Variants in PRDM1 observed in about 807,000 individuals in gnomAD.
The protein encoded by PRDM1 is PR domain zinc finger protein 1.
Under a neutral mutation model 62.8 loss-of-function variants are expected in PRDM1, and 13 were observed. The observed-to-expected ratio is 0.21, with a 90% CI of 0.13 to 0.33. The LOEUF (loss-of-function observed/expected upper bound fraction) is 0.33. Among genes scored for constraint, PRDM1 ranks in the 10% least tolerant of loss-of-function variants. The pLI, the probability that PRDM1 is intolerant of heterozygous loss-of-function variation, is 1.00. For missense variants in PRDM1, 895 were observed against 1,058.8 expected (o/e 0.85, Z 2.15); for synonymous variants, 396 against 417.6 (o/e 0.95, Z 0.63).
intron 1 of PRDM1, among the ~76,000 whole-genome samples, chr6:106,017,000 A>G (rs1772630805): frequency 6.6e-6 from 1 of 152,230 alleles, no homozygotes; most frequent in African/African-American, 2.4e-5. Flanking sequence ...GGAGATTTGC[A>G]ATAATTTGAA....
intron 1 of PRDM1, 29 bp downstream of exon 1, chr6:106,086,624 T>A (rs1773815052): frequency 1.3e-6 from 2 of 1,521,298 alleles, no homozygotes; most frequent in Non-Finnish European, 8.9e-7. Context: ...TTTTTTTTAA[T>A]TCTGAAATTG....
intron 1 of PRDM1, among the ~76,000 whole-genome samples, chr6:106,041,633 A>T (rs765919804): frequency 6.6e-6 from 1 of 152,120 alleles, no homozygotes; most frequent in Non-Finnish European, 1.5e-5. Context: ...GGTGGTGGTT[A>T]TATGAATCTA....
At chr6:106,012,640 A>T (rs1396960168) in intron 1 of PRDM1, among the ~76,000 whole-genome samples, 1 of 151,442 alleles carries the variant, frequency 6.6e-6, no homozygotes, top group Non-Finnish European at 1.5e-5. Flanking sequence ...CCCCCTACAC[A>T]CTCAGCCCAC....
upstream of PRDM1, among the ~76,000 whole-genome samples, chr6:106,085,205 T>TG (rs1582457344): frequency 2.0e-5 from 3 of 152,216 alleles, no homozygotes; most frequent in East Asian, 5.8e-4. Context: ...GGTGTGTGTG[T>TG]GGGTGGATGT....
At chr6:106,063,860 T>C (rs560324651) in intron 1 of PRDM1, among the ~76,000 whole-genome samples, 3 of 152,346 alleles carry the variant, frequency 2.0e-5, no homozygotes, top group African/African-American at 7.2e-5. Flanking sequence ...GTGTGGCTTG[T>C]AGGGATTTAG....
At chr6:106,046,401 G>A (rs371409544), upstream of PRDM1, 1 of 152,286 alleles carries the variant, frequency 6.6e-6, no homozygotes, top group African/African-American at 2.4e-5. Flanking sequence ...CTAGTTTCCT[G>A]TGTCTCTAGT....
At chr6:106,067,178 A>G (rs1773446401) in intron 1 of PRDM1, among the ~76,000 whole-genome samples, 1 of 152,182 alleles carries the variant, frequency 6.6e-6, no homozygotes, top group Non-Finnish European at 1.5e-5. Context: ...CATAAATAAG[A>G]CATTTAACCG....
At chr6:106,039,590 T>C (rs2114574216) in intron 1 of PRDM1, among the ~76,000 whole-genome samples, 1 of 152,320 alleles carries the variant, frequency 6.6e-6, no homozygotes, top group East Asian at 1.9e-4. Flanking sequence ...ACAGCTATTT[T>C]TTTATTGTTT....
chr6:106,086,297 C>T, upstream of PRDM1: 1 of 429,272 alleles, frequency 2.3e-6, no homozygotes, highest in Non-Finnish European at 4.1e-6. Flanking sequence ...AGCCGAGTGG[C>T]TAAGGAAATC....
At chr6:106,030,182 T>C (rs1358677454) in intron 1 of PRDM1, among the ~76,000 whole-genome samples, 1 of 152,184 alleles carries the variant, frequency 6.6e-6, no homozygotes, top group Non-Finnish European at 1.5e-5. Context: ...GTTTTGTTTG[T>C]TTTTGAGACA....
intron 1 of PRDM1, among the ~76,000 whole-genome samples, chr6:106,037,348 T>C (rs968131084): frequency 6.6e-6 from 1 of 152,238 alleles, no homozygotes; most frequent in African/African-American, 2.4e-5. Context: ...GAATTCATTA[T>C]ACTTGAAGTT....
Position 106,105,571 on chromosome 6 carries a change from C to T in PRDM1, c.1411C>T (p.Pro471Ser), listed in dbSNP as rs1370128184. Residue 471 changes from proline (P) to serine (S), a missense_variant, in exon 5 of 7, where the codon CCC becomes TCC. Physicochemically the swap from Pro to Ser is moderately conservative, Grantham distance 74. This residue lies in a region of PRDM1 where 444 missense variants were observed against 422.7 expected (regional missense o/e 1.05). Coordinates refer to ENST00000369096, the MANE Select transcript of PRDM1 (RefSeq NM_001198.4). ...LNPTSLPSSLPSDGARRLLQP... is the reference protein window; with the variant it reads ...LNPTSLPSSLSSDGARRLLQP... ...CCCCACTTCTCTCCCGAGCTCGCTG[C>T]CCTCAGATGGAGCCCGGAGGTTGCT... is the stretch of plus-strand genomic sequence containing the variant. 6.2e-7 allele frequency: 1 copy of T among 1,612,860 alleles called. No individual in the cohort carries two copies. Among genetic ancestry groups the T allele is most frequent in the Non-Finnish European group, 8.5e-7 (1 of 1,179,128 alleles).
chr6:106,069,067 G>C (rs1773474639), intron 1 of PRDM1, among the ~76,000 whole-genome samples: 1 of 152,166 alleles, frequency 6.6e-6, no homozygotes, highest in Admixed American at 6.5e-5. Flanking sequence ...ACTACCACTA[G>C]CCATTGCCTT....
At position 106,109,314 on chromosome 6, in the gene PRDM1, T is replaced by G; in HGVS notation, c.*1828T>G. 1 of 232,780 alleles carries G rather than the reference T, an allele frequency of 4.3e-6. No individual in the cohort carries two copies. The highest frequency in any genetic ancestry group is 8.5e-6 in the Non-Finnish European group (1 of 117,600). The allele number at this position is 232,780 out of a possible 1,614,324, so 14.4% of individuals were successfully genotyped here. ...CAGCTCTATTTTTTTTTTGCCACTT[T>G]ATGATTATGTGGTCACACCCAAGTC... On this transcript the variant is annotated 3_prime_UTR_variant, in exon 7 of 7. Transcript: ENST00000369096.
chr6:106,037,541 T>G (rs1463619035), intron 1 of PRDM1, among the ~76,000 whole-genome samples: 1 of 152,156 alleles, frequency 6.6e-6, no homozygotes, highest in African/African-American at 2.4e-5. Context: ...CTCACTTTCC[T>G]TCCATCTTTT....
intron 2 of PRDM1, among the ~76,000 whole-genome samples, chr6:106,090,972 T>G (rs1227379643): frequency 6.6e-6 from 1 of 152,150 alleles, no homozygotes. Flanking sequence ...ATTCTGCACC[T>G]TTAATGAAAA....
At chr6:106,008,249 T>G (rs1356285557) in intron 1 of PRDM1, among the ~76,000 whole-genome samples, 1 of 152,154 alleles carries the variant, frequency 6.6e-6, no homozygotes, top group African/African-American at 2.4e-5. Context: ...GGCGCGCGCC[T>G]GTAGTCCCAG....
chr6:106,107,009 G>C lies in PRDM1; in HGVS notation c.2001G>C (p.Lys667Asn), dbSNP rs2114662212. 6.2e-7 allele frequency: 1 copy of C among 1,614,184 alleles called. No individual in the cohort carries two copies. ...KPYQCKVCPA[K>N]FTQFVHLKLH... ...ACCAATGCAAGGTGTGCCCTGCCAA[G>C]TTCACCCAGTTTGTGCACCTGAAAC... The change falls in exon 7 of 7, where the codon AAG (lysine) becomes AAC (asparagine). Residue 667 changes from lysine to asparagine, a missense_variant. Coordinates refer to ENST00000369096, the MANE Select transcript of PRDM1 (RefSeq NM_001198.4).
At chr6:106,069,710 T>C (rs1343146754) in intron 1 of PRDM1, among the ~76,000 whole-genome samples, 1 of 152,214 alleles carries the variant, frequency 6.6e-6, no homozygotes, top group Non-Finnish European at 1.5e-5. Context: ...TCTTCCAGCA[T>C]TCCCTGGCAG....
Sources: gnomAD v4.1 joint callset for allele counts (sites outside exome capture counted in the v4.1 genomes callset) on GRCh38, gnomAD v4.1.1 for gene constraint, gnomAD v4.1.1 regional missense constraint, MANE v1.5 for transcripts, NCBI Gene and HGNC (gene_info 2026-07-23, HGNC 2026-07-21) for gene names.